Variants in LYRM4 observed in about 807,000 individuals in gnomAD.
LYRM4 encodes the protein LYR motif-containing protein 4.
LYRM4 carries 9 observed loss-of-function variants against 11.7 expected under a neutral mutation model. The observed-to-expected ratio is 0.77, with a 90% CI of 0.46 to 1.34. The LOEUF (loss-of-function observed/expected upper bound fraction) is 1.34. Ranked by LOEUF, LYRM4 falls within the 40% of genes most tolerant of loss-of-function variation. The pLI is 0.00. For missense variants in LYRM4, 133 were observed against 112.5 expected, an observed-to-expected ratio of 1.18 and a Z score of -0.82; for synonymous variants, 42 against 40.4, an observed-to-expected ratio of 1.04 and a Z score of -0.15.
At chr6:5,121,054 A>C (rs1763431961) in intron 2 of LYRM4, among the ~76,000 whole-genome samples, 1 of 152,168 alleles carries the variant, frequency 6.6e-6, no homozygotes, top group Admixed American at 6.5e-5. Flanking sequence ...TGCTCATCTA[A>C]GGGGATTCAG....
At chr6:5,055,865 C>A in the LYRM4 span, among the ~76,000 whole-genome samples, 1 of 152,150 alleles carries the variant, frequency 6.6e-6, no homozygotes, top group Non-Finnish European at 1.5e-5. This position sits in a 1 kb window ranked among gnomAD's most constrained non-coding sequence, Gnocchi z 4.5. Context: ...ACCACGTGCA[C>A]CCTGCCAGAT....
intron 1 of LYRM4, among the ~76,000 whole-genome samples, chr6:5,239,969 G>A (rs77051863): frequency 0.02 from 2,995 of 152,314 alleles, 89 homozygotes; most frequent in African/African-American, 0.067. Flanking sequence ...GCCCCCGGCA[G>A]GGATGCTCAT....
At chr6:5,251,511 G>A (rs1240230796) in intron 1 of LYRM4, among the ~76,000 whole-genome samples, 1 of 152,104 alleles carries the variant, frequency 6.6e-6, no homozygotes, top group Non-Finnish European at 1.5e-5. Flanking sequence ...CACATCACAG[G>A]CCAGAGCAGG....
the LYRM4 span, chr6:5,066,352 G>A: frequency 1.4e-6 from 1 of 723,704 alleles, no homozygotes; most frequent in Non-Finnish European, 2.6e-6. Flanking sequence ...ACAGGAATAC[G>A]TCATATGCAG....
At chr6:5,181,463 A>G (rs1457800772) in intron 2 of LYRM4, among the ~76,000 whole-genome samples, 1 of 152,142 alleles carries the variant, frequency 6.6e-6, no homozygotes, top group Non-Finnish European at 1.5e-5. Flanking sequence ...ATCCTTATAA[A>G]AACCACAACC....
chr6:5,108,780 G>T lies in LYRM4; in HGVS notation c.*643C>A. ...GCATTTCCAGCAAATTCCCAGGTGG[G>T]GCTGAGGTTGCTGATCTGCAGTGCT... On this transcript the variant is annotated 3_prime_UTR_variant, in exon 3 of 3. Transcript: ENST00000330636. 1.0e-6 allele frequency: 1 copy of T among 985,738 alleles called. No individual in the cohort carries two copies. The highest frequency in any genetic ancestry group is 1.2e-6 in the Non-Finnish European group (1 of 829,834). 61.1% of individuals were successfully genotyped at this position (985,738 alleles called of 1,614,324 possible).
At chr6:5,129,591 G>A (rs915104955) in intron 2 of LYRM4, among the ~76,000 whole-genome samples, 1 of 152,046 alleles carries the variant, frequency 6.6e-6, no homozygotes, top group Non-Finnish European at 1.5e-5. Context: ...GGGCCAATGT[G>A]GATAACCAAG....
At chr6:5,157,801 A>C (rs777573827) in intron 2 of LYRM4, among the ~76,000 whole-genome samples, 2 of 152,226 alleles carry the variant, frequency 1.3e-5, no homozygotes, top group African/African-American at 2.4e-5. Context: ...AATTGAATAT[A>C]TCTCTCAATT....
chr6:5,115,181 T>C (rs1380822265), intron 2 of LYRM4, among the ~76,000 whole-genome samples: 1 of 152,242 alleles, frequency 6.6e-6, no homozygotes, highest in Non-Finnish European at 1.5e-5. Context: ...ATATAACCTT[T>C]TATTAAATCT....
chr6:5,224,396 GACAAAGGGACAGGT>G (rs1762759715), intron 1 of LYRM4, among the ~76,000 whole-genome samples: 1 of 152,140 alleles, frequency 6.6e-6, no homozygotes, highest in Non-Finnish European at 1.5e-5. Flanking sequence ...TTTTTGAAAA[GACAAAGGGACAGGT>G]ACACCCTGCT....
chr6:5,226,686 G>A (rs1054376153), intron 1 of LYRM4, among the ~76,000 whole-genome samples: 5 of 152,106 alleles, frequency 3.3e-5, no homozygotes, highest in South Asian at 2.1e-4. Context: ...CCATTGTTAC[G>A]TTTTTAAAAG....
chr6:5,235,206 G>C (rs764926340), intron 1 of LYRM4, among the ~76,000 whole-genome samples: 1 of 152,032 alleles, frequency 6.6e-6, no homozygotes, highest in Non-Finnish European at 1.5e-5. Context: ...GCAGTAGCAT[G>C]ATTTTGGCTC....
intron 2 of LYRM4, among the ~76,000 whole-genome samples, chr6:5,157,523 A>G (rs1561837209): frequency 6.6e-6 from 1 of 152,166 alleles, no homozygotes. Flanking sequence ...AAAAAAAAAA[A>G]AAGAAGACTG....
chr6:5,094,294 G>C, the LYRM4 span, among the ~76,000 whole-genome samples: 2 of 152,184 alleles, frequency 1.3e-5, no homozygotes, highest in Admixed American at 1.3e-4. Flanking sequence ...CAAGCCCGGA[G>C]AACAAAGCAA....
At chr6:5,048,479 T>C in the LYRM4 span, among the ~76,000 whole-genome samples, 1 of 152,104 alleles carries the variant, frequency 6.6e-6, no homozygotes, top group Non-Finnish European at 1.5e-5. Flanking sequence ...CATGCCCACA[T>C]CATTTTCTTA....
chr6:5,149,927 T>C (rs1352139933), intron 2 of LYRM4, among the ~76,000 whole-genome samples: 1 of 152,186 alleles, frequency 6.6e-6, no homozygotes, highest in Non-Finnish European at 1.5e-5. Context: ...GAGCAAAACA[T>C]CCATCACTTT....
At chr6:5,200,096 T>C (rs1761299993) in intron 2 of LYRM4, among the ~76,000 whole-genome samples, 1 of 152,232 alleles carries the variant, frequency 6.6e-6, no homozygotes, top group African/African-American at 2.4e-5. Flanking sequence ...TTAATAACTG[T>C]AGATGTACTT....
chr6:5,150,138 C>G (rs895759989), intron 2 of LYRM4, among the ~76,000 whole-genome samples: 1 of 152,158 alleles, frequency 6.6e-6, no homozygotes, highest in African/African-American at 2.4e-5. Context: ...GCCCATCTGT[C>G]CCATAAAAGC....
the LYRM4 span, among the ~76,000 whole-genome samples, chr6:5,063,375 G>A: frequency 3.5e-4 from 53 of 152,046 alleles, no homozygotes; most frequent in South Asian, 2.9e-3. Context: ...TGGAAGGCAC[G>A]TTAGCCAACC....
Sources: allele counts gnomAD v4.1 joint callset (sites outside exome capture counted in the v4.1 genomes callset), GRCh38; gene constraint gnomAD v4.1.1; non-coding constraint Gnocchi (gnomAD v3.1); transcripts MANE v1.5; gene names NCBI Gene and HGNC (gene_info 2026-07-23, HGNC 2026-07-21).